Variants in DNAH12 observed in about 807,000 individuals in gnomAD.
The protein encoded by DNAH12 is axonemal beta dynein heavy chain 12.
Under a neutral mutation model 371.5 loss-of-function variants are expected in DNAH12, and 285 were observed. The observed-to-expected ratio is 0.77, with a 90% CI of 0.70 to 0.85. The LOEUF is 0.85. Among genes scored for constraint, DNAH12 ranks in the 40% least tolerant of loss-of-function variants. DNAH12 has a pLI of 0.00. For synonymous variants in DNAH12, 1,200 were observed against 1,213.0 expected (o/e 0.99, Z 0.22); for missense variants, 3,611 against 3,689.4 (o/e 0.98, Z 0.55).
chr3:57,340,080 A>G (rs1553655602), intron 60 of DNAH12, among the ~76,000 whole-genome samples: 3 of 152,126 alleles, frequency 2.0e-5, no homozygotes, highest in Admixed American at 1.3e-4. Context: ...CAAAAAAAAA[A>G]AAAATTCCTT....
intron 45 of DNAH12, among the ~76,000 whole-genome samples, chr3:57,389,379 T>C (rs2153346323): frequency 6.6e-6 from 1 of 152,274 alleles, no homozygotes; most frequent in East Asian, 1.9e-4. Flanking sequence ...TTACTGTATC[T>C]TCAAAAAAAA....
At chr3:57,444,624 A>G (rs2153369977) in intron 29 of DNAH12, 73 bp downstream of exon 29, 1 of 1,524,968 alleles carries the variant, frequency 6.6e-7, no homozygotes, top group Non-Finnish European at 8.8e-7. Context: ...ACACATTAAT[A>G]AATCTTGGTA....
chr3:57,439,721 C>T (rs1001402494), intron 29 of DNAH12, among the ~76,000 whole-genome samples: 6 of 150,396 alleles, frequency 4.0e-5, no homozygotes, highest in Non-Finnish European at 7.4e-5. Flanking sequence ...TTCTGCATGG[C>T]AAAAGAAACT....
chr3:57,413,222 CA>C (rs2064260524), intron 39 of DNAH12, among the ~76,000 whole-genome samples: 1 of 152,090 alleles, frequency 6.6e-6, no homozygotes, highest in Admixed American at 6.6e-5. Context: ...AACTATATGA[CA>C]TTCTGAAAAT....
In DNAH12 at chr3:57,323,623, T is replaced by C; in HGVS notation, c.9979-4A>G. 6.5e-7 allele frequency: 1 copy of C among 1,529,996 alleles called. No individual in the cohort carries two copies. The highest frequency in any genetic ancestry group is 8.8e-7 in the Non-Finnish European group (1 of 1,140,348). 94.8% of individuals were successfully genotyped at this position (1,529,996 alleles called of 1,614,324 possible). A position where few individuals can be genotyped will look rare whatever the true frequency, so the allele number is the denominator to read the frequency against. ...AGTTTGTTATAGCTGGGGTTATCTG[T>C]TGAAGAGAAAAGATATGATCTTTAG... On this transcript the variant is annotated splice_polypyrimidine_tract_variant and splice_region_variant and intron_variant, in intron 62 of 73. Transcript: ENST00000495027.
chr3:57,330,620 G>C (rs938056186), intron 62 of DNAH12, among the ~76,000 whole-genome samples: 9 of 150,386 alleles, frequency 6.0e-5, no homozygotes, highest in Admixed American at 1.3e-4. Context: ...GCCAGATGAT[G>C]AGTTAGTGGG....
intron 67 of DNAH12, 102 bp from the exon 68 acceptor site, chr3:57,309,956 A>T: frequency 1.0e-6 from 1 of 991,626 alleles, no homozygotes; most frequent in Non-Finnish European, 1.4e-6. Flanking sequence ...CATAGGGGTT[A>T]TGTGAGTTGA....
chr3:57,342,484 C>CAAAA lies in DNAH12; in HGVS notation c.9675-7548_9675-7545dup, dbSNP rs71088060. On this transcript the variant is annotated intron_variant, in intron 60 of 73. Transcript: ENST00000495027. ...TGAAACCCTATCTCTACTAAAAATACAAAAAAAAAAAAAAAAAAAAAAAAT... is the reference window on the plus strand; with the variant it reads ...TGAAACCCTATCTCTACTAAAAATACAAAAAAAAAAAAAAAAAAAAAAAAAAAAT... Among the ~76,000 whole-genome samples the CAAAA allele has an allele frequency of 1.5e-3, 98 of 66,044 alleles. 2 individuals are homozygous for CAAAA. Among genetic ancestry groups the CAAAA allele is most frequent in the Non-Finnish European group, 1.8e-3 (64 of 36,396 alleles). 43.3% of individuals were successfully genotyped at this position (66,044 alleles called of 152,430 possible). A position where few individuals can be genotyped will look rare whatever the true frequency, so the allele number is the denominator to read the frequency against.
intron 43 of DNAH12, among the ~76,000 whole-genome samples, chr3:57,399,904 A>T (rs1035202740): frequency 1.3e-5 from 2 of 152,246 alleles, no homozygotes; most frequent in African/African-American, 4.8e-5. Context: ...TACATATAAC[A>T]TACAAAATAC....
intron 45 of DNAH12, among the ~76,000 whole-genome samples, chr3:57,389,096 C>G (rs978412919): frequency 6.6e-6 from 1 of 152,096 alleles, no homozygotes; most frequent in African/African-American, 2.4e-5. Flanking sequence ...CTTCCCCCAC[C>G]TTTCCCATGC....
intron 20 of DNAH12, 145 bp from the exon 21 acceptor site, chr3:57,458,365 A>G (rs767118926): frequency 9.0e-7 from 1 of 1,116,060 alleles, no homozygotes; most frequent in Admixed American, 3.7e-5. Context: ...TTGCAATGAA[A>G]TTTTTTGTAG....
chr3:57,300,265 C>T (rs2061318992), intron 70 of DNAH12, among the ~76,000 whole-genome samples: 1 of 152,098 alleles, frequency 6.6e-6, no homozygotes, highest in Non-Finnish European at 1.5e-5. Context: ...GCACCCAAGA[C>T]AGAAATAATA....
intron 44 of DNAH12, among the ~76,000 whole-genome samples, chr3:57,392,834 C>T (rs2063653498): frequency 2.0e-5 from 3 of 152,058 alleles, no homozygotes; most frequent in Admixed American, 2.0e-4. Flanking sequence ...GCAGGAAAGC[C>T]TAGCAAAGCT....
Position 57,533,311 on chromosome 3 carries a change from C to T in DNAH12, c.170+9390G>A, listed in dbSNP as rs149568443. Among the ~76,000 whole-genome samples the T allele has an allele frequency of 7.2e-5, 11 of 152,226 alleles. No individual in the cohort carries two copies. The East Asian group carries it at 9.7e-4, about 13-fold the overall frequency. On this transcript the variant is annotated intron_variant, in intron 2 of 73. Transcript: ENST00000495027. ...CCTAGAATCAGGGACCCCAAGAGCCCGCTTGGTGCTCTACCCCACTGTGCC... is the reference window on the plus strand; with the variant it reads ...CCTAGAATCAGGGACCCCAAGAGCCTGCTTGGTGCTCTACCCCACTGTGCC...
At chr3:57,395,498 A>C (rs1357455435) in intron 43 of DNAH12, among the ~76,000 whole-genome samples, 1 of 152,192 alleles carries the variant, frequency 6.6e-6, no homozygotes, top group Non-Finnish European at 1.5e-5. Flanking sequence ...GTACACAAAA[A>C]CAACTATGTC....
intron 53 of DNAH12, 141 bp downstream of exon 53, chr3:57,376,840 A>AG (rs1413435390): frequency 2.0e-5 from 3 of 152,180 alleles, no homozygotes; most frequent in African/African-American, 7.2e-5. Flanking sequence ...TTGTTTGGAG[A>AG]AGCCTGGCCA....
chr3:57,427,875 G>A (rs2064829847), intron 34 of DNAH12, among the ~76,000 whole-genome samples: 1 of 151,898 alleles, frequency 6.6e-6, no homozygotes, highest in African/African-American at 2.4e-5. Context: ...TTGGACTTCT[G>A]GTCTCCAGAA....
intron 62 of DNAH12, among the ~76,000 whole-genome samples, chr3:57,327,437 A>G (rs1389160536): frequency 6.6e-6 from 1 of 152,214 alleles, no homozygotes; most frequent in Non-Finnish European, 1.5e-5. Context: ...ATGGAAACTG[A>G]ACAACCTGCT....
Position 57,323,560 on chromosome 3 carries a change from A to T in DNAH12, c.10038T>A (p.Pro3346=). 6.4e-7 allele frequency: 1 copy of T among 1,550,692 alleles called. No homozygotes were observed. Among genetic ancestry groups the T allele is most frequent in the Admixed American group, 2.0e-5 (1 of 50,740 alleles). ...TDKLGKKFVE[P]PPFDLTKSYL... is the part of the protein sequence containing the mutation. Reference sequence around the variant, plus strand: ...AACTCTTTGTCAAATCAAATGGTGGAGGCTCTACAAACTTTTTCCCTAGTT... The same window carrying T: ...AACTCTTTGTCAAATCAAATGGTGGTGGCTCTACAAACTTTTTCCCTAGTT... The change falls in exon 63 of 74, where the codon CCT becomes CCA. Residue 3346 remains proline (P), a synonymous_variant. Coordinates refer to ENST00000495027, the MANE Select transcript of DNAH12 (RefSeq NM_001366028.2).
Sources: allele counts gnomAD v4.1 joint callset (sites outside exome capture counted in the v4.1 genomes callset), GRCh38; gene constraint gnomAD v4.1.1; transcripts MANE v1.5; gene names NCBI Gene and HGNC (gene_info 2026-07-23, HGNC 2026-07-21).